The following HPSE2 variants were observed in gnomAD, a reference collection of about 807,000 sequenced individuals.
The protein encoded by HPSE2 is heparanase 2 (inactive).
In HPSE2, 38 loss-of-function variants were observed where a neutral mutation model predicts 60.5. The observed-to-expected ratio is 0.63, with a 90% confidence interval of 0.48 to 0.82. HPSE2 has a LOEUF of 0.82. Among genes scored for constraint, HPSE2 ranks in the 40% least tolerant of loss-of-function variants. The pLI, the probability that HPSE2 is intolerant of heterozygous loss-of-function variation, is 0.00. For missense variants in HPSE2, 713 were observed against 740.4 expected (o/e 0.96, Z 0.43); for synonymous variants, 295 against 293.2 (o/e 1.01, Z -0.06).
chr10:99,179,758 A>AC (rs1188954023), intron 2 of HPSE2, among the ~76,000 whole-genome samples: 1 of 107,144 alleles, frequency 9.3e-6, no homozygotes, highest in Non-Finnish European at 2.5e-5. Flanking sequence ...GAAAAAAAAA[A>AC]AACTTTAAAC....
At chr10:98,461,052 C>T (rs1176779811) in intron 11 of HPSE2, among the ~76,000 whole-genome samples, 1 of 152,344 alleles carries the variant, frequency 6.6e-6, no homozygotes, top group Non-Finnish European at 1.5e-5. Flanking sequence ...ATAACATTGC[C>T]GTGACATCAT....
At chr10:99,015,777 C>A (rs1361717392) in intron 3 of HPSE2, among the ~76,000 whole-genome samples, 1 of 152,180 alleles carries the variant, frequency 6.6e-6, no homozygotes, top group Admixed American at 6.5e-5. Context: ...ATGTAACTAA[C>A]CTGCACGTTG....
At chr10:98,725,166 A>T (rs1438691519) in intron 4 of HPSE2, among the ~76,000 whole-genome samples, 2 of 152,192 alleles carry the variant, frequency 1.3e-5, no homozygotes, top group African/African-American at 4.8e-5. Flanking sequence ...ACCAAAAAAG[A>T]GCCCACATTG....
intron 9 of HPSE2, among the ~76,000 whole-genome samples, chr10:98,552,348 A>T (rs898800417): frequency 6.6e-6 from 1 of 152,128 alleles, no homozygotes; most frequent in African/African-American, 2.4e-5. Flanking sequence ...ACCTATTCAT[A>T]GGGTTTTATG....
intron 9 of HPSE2, among the ~76,000 whole-genome samples, chr10:98,500,313 A>G (rs1212202491): frequency 6.6e-6 from 1 of 152,232 alleles, no homozygotes; most frequent in Non-Finnish European, 1.5e-5. Flanking sequence ...AACTGACATT[A>G]TATCAAGCAC....
At chr10:98,541,598 T>C (rs1038785209) in intron 9 of HPSE2, among the ~76,000 whole-genome samples, 15 of 152,002 alleles carry the variant, frequency 9.9e-5, no homozygotes, top group Non-Finnish European at 1.5e-4. Context: ...ACCTGGAAAA[T>C]TGGGTCACTC....
At chr10:98,710,485 GAATTA>G (rs755873994) in intron 5 of HPSE2, among the ~76,000 whole-genome samples, 10 of 152,112 alleles carry the variant, frequency 6.6e-5, no homozygotes, top group Non-Finnish European at 5.9e-5. Flanking sequence ...AAATATACAG[GAATTA>G]AGATGGGTGA....
At chr10:98,733,631 T>G (rs946222216) in intron 4 of HPSE2, among the ~76,000 whole-genome samples, 1 of 152,182 alleles carries the variant, frequency 6.6e-6, no homozygotes, top group African/African-American at 2.4e-5. Context: ...TAATACTTTA[T>G]CAGGCACTTT....
intron 2 of HPSE2, among the ~76,000 whole-genome samples, chr10:99,205,700 G>A (rs1218085047): frequency 6.6e-6 from 1 of 152,122 alleles, no homozygotes; most frequent in African/African-American, 2.4e-5. Flanking sequence ...CAAAAGAAAT[G>A]TAAAAAGATA....
At position 99,170,141 on chromosome 10, in the gene HPSE2, G is replaced by A. The variant is rs542235415; in HGVS notation, c.449-25742C>T. Among the ~76,000 whole-genome samples the A allele has an allele frequency of 3.7e-4, 56 of 152,232 alleles. 2 individuals are homozygous for A. The South Asian group carries it at 0.011, about 30-fold the overall frequency. On this transcript the variant is annotated intron_variant, in intron 2 of 11. Coordinates refer to ENST00000370552, the MANE Select transcript of HPSE2 (RefSeq NM_021828.5). ...TTCACAGATATGAAAACTGGGGCTA[G>A]GGATGAAGTGATTTGCCTGAGGTTT...
chr10:98,796,781 G>A (rs1950788913), intron 3 of HPSE2, among the ~76,000 whole-genome samples: 1 of 152,200 alleles, frequency 6.6e-6, no homozygotes, highest in South Asian at 2.1e-4. Context: ...GTGACCACAG[G>A]GGTGCTTGCA....
intron 3 of HPSE2, among the ~76,000 whole-genome samples, chr10:99,105,743 T>A (rs1321884451): frequency 6.6e-6 from 1 of 152,094 alleles, no homozygotes; most frequent in African/African-American, 2.4e-5. Flanking sequence ...TTGTAGAAGA[T>A]TTATAGTTTT....
chr10:98,726,448 A>T (rs1244462221), intron 4 of HPSE2, among the ~76,000 whole-genome samples: 1 of 138,150 alleles, frequency 7.2e-6, no homozygotes, highest in Non-Finnish European at 1.6e-5. Context: ...GAACACATGG[A>T]CACAGGAAGG....
At chr10:99,142,035 G>T (rs1398382919) in intron 3 of HPSE2, among the ~76,000 whole-genome samples, 3 of 152,176 alleles carry the variant, frequency 2.0e-5, no homozygotes, top group Non-Finnish European at 4.4e-5. Context: ...TGAGATTGCA[G>T]AGGCCCAGTT....
At chr10:98,841,922 T>G (rs534533532) in intron 3 of HPSE2, among the ~76,000 whole-genome samples, 1 of 152,072 alleles carries the variant, frequency 6.6e-6, no homozygotes, top group East Asian at 1.9e-4. Flanking sequence ...TTCTCCTGCC[T>G]CAGCCTCCAG....
intron 2 of HPSE2, among the ~76,000 whole-genome samples, chr10:99,203,330 G>A (rs1208011467): frequency 6.6e-6 from 1 of 151,908 alleles, no homozygotes; most frequent in African/African-American, 2.4e-5. Context: ...CTCAAACCCA[G>A]TCTGTACGCA....
At chr10:98,621,904 T>G (rs1018155528) in intron 7 of HPSE2, among the ~76,000 whole-genome samples, 1 of 152,182 alleles carries the variant, frequency 6.6e-6, no homozygotes, top group Non-Finnish European at 1.5e-5. Flanking sequence ...CAATGATGGC[T>G]AGAGTAGGAG....
intron 3 of HPSE2, among the ~76,000 whole-genome samples, chr10:99,053,758 C>T (rs955239918): frequency 2.9e-5 from 3 of 104,906 alleles, no homozygotes. Context: ...GAGACAGAGT[C>T]ATGCTCTGTC....
intron 2 of HPSE2, among the ~76,000 whole-genome samples, chr10:99,220,185 G>A (rs922404678): frequency 1.3e-5 from 2 of 152,098 alleles, no homozygotes; most frequent in East Asian, 3.8e-4. Flanking sequence ...GATTAAGATG[G>A]ATAATGGTGT....
Sources: gnomAD v4.1 joint callset for allele counts (sites outside exome capture counted in the v4.1 genomes callset) on GRCh38, gnomAD v4.1.1 for gene constraint, MANE v1.5 for transcripts, NCBI Gene and HGNC (gene_info 2026-07-23, HGNC 2026-07-21) for gene names.